Variants in ATP10D observed in about 807,000 individuals in gnomAD.
ATP10D encodes phospholipid-transporting ATPase VD.
ATP10D carries 89 observed loss-of-function variants against 144.8 expected under a neutral mutation model. The observed-to-expected ratio is 0.61, with a 90% CI of 0.52 to 0.73. The LOEUF (loss-of-function observed/expected upper bound fraction) is 0.73. Among genes scored for constraint, ATP10D ranks in the 30% least tolerant of loss-of-function variants. The pLI is 0.00. For missense variants in ATP10D, 1,603 were observed against 1,714.8 expected (o/e 0.93, Z 1.15); for synonymous variants, 571 against 615.1 (o/e 0.93, Z 1.06).
In ATP10D at chr4:47,512,493, T is replaced by C. The variant is rs1370319230; in HGVS notation, c.-37-11T>C. Reference sequence around the variant, plus strand: ...AAGCTCATGGAAGTGTGGTTTTTGTTTGTTTGCCAGGTCAGCTACACAACC... The same window carrying C: ...AAGCTCATGGAAGTGTGGTTTTTGTCTGTTTGCCAGGTCAGCTACACAACC... On this transcript the variant is annotated splice_polypyrimidine_tract_variant and intron_variant, in intron 1 of 22. Coordinates refer to ENST00000273859, the MANE Select transcript of ATP10D (RefSeq NM_020453.4). 6.6e-7 allele frequency: 1 copy of C among 1,526,322 alleles called. No homozygotes were observed. Among genetic ancestry groups the C allele is most frequent in the Non-Finnish European group, 8.9e-7 (1 of 1,127,824 alleles). The allele number at this position is 1,526,322 out of a possible 1,614,324, so 94.5% of individuals were successfully genotyped here.
At chr4:47,584,000 G>A (rs1226110612) in intron 21 of ATP10D, among the ~76,000 whole-genome samples, 7 of 152,156 alleles carry the variant, frequency 4.6e-5, no homozygotes, top group African/African-American at 1.7e-4. Flanking sequence ...TTAAGTCACA[G>A]GCTTTGGCTA....
In ATP10D at chr4:47,512,798, T is replaced by G; in HGVS notation, c.258T>G (p.Phe86Leu). The G allele has an allele frequency of 6.2e-7, 1 of 1,601,878 alleles. No homozygotes were observed. Among genetic ancestry groups the G allele is most frequent in the Non-Finnish European group, 8.5e-7 (1 of 1,170,312 alleles). Residue 86 changes from phenylalanine (F) to leucine (L), a missense_variant, in exon 2 of 23, where the codon TTT becomes TTG. Phe to Leu is a conservative substitution (Grantham distance 22). Coordinates refer to ENST00000273859, the MANE Select transcript of ATP10D (RefSeq NM_020453.4). ...CAACAAAGTACACACTTCTGAATTTTGTGCCAAGAAATTTATTTGAACAAT... is the reference window on the plus strand; with the variant it reads ...CAACAAAGTACACACTTCTGAATTTGGTGCCAAGAAATTTATTTGAACAAT... Reference protein sequence around the residue: ...IRTTKYTLLNFVPRNLFEQFH... With the variant: ...IRTTKYTLLNLVPRNLFEQFH...
intron 14 of ATP10D, 74 bp from the exon 15 acceptor site, chr4:47,563,507 T>G (rs1033169969): frequency 7.5e-7 from 1 of 1,333,218 alleles, no homozygotes; most frequent in Non-Finnish European, 1.0e-6. Flanking sequence ...CAGATATGAT[T>G]CAACTGTAGA....
chr4:47,547,105 G>T, intron 10 of ATP10D: 1 of 482,140 alleles, frequency 2.1e-6, no homozygotes, highest in Admixed American at 3.4e-5. Flanking sequence ...AAAAAAAGGA[G>T]AATATTTCTG....
intron 19 of ATP10D, 51 bp from the exon 20 acceptor site, chr4:47,580,347 C>A: frequency 7.1e-7 from 1 of 1,401,494 alleles, no homozygotes; most frequent in South Asian, 1.2e-5. Context: ...TGTTTCTTTT[C>A]TTGGACCCTT....
intron 3 of ATP10D, among the ~76,000 whole-genome samples, chr4:47,519,053 A>G (rs1716817720): frequency 6.6e-6 from 1 of 152,240 alleles, no homozygotes; most frequent in Non-Finnish European, 1.5e-5. Flanking sequence ...ATCTTAGCTG[A>G]TTTTGTGCCC....
intron 1 of ATP10D, among the ~76,000 whole-genome samples, chr4:47,505,675 G>T (rs997834415): frequency 2.0e-5 from 3 of 152,000 alleles, no homozygotes; most frequent in Non-Finnish European, 2.9e-5. Flanking sequence ...GGCAGAGATT[G>T]CAGTGAGCTG....
intron 15 of ATP10D, among the ~76,000 whole-genome samples, chr4:47,568,075 T>C (rs1165376678): frequency 6.6e-6 from 1 of 152,258 alleles, no homozygotes; most frequent in Non-Finnish European, 1.5e-5. Context: ...GAGTACCTGA[T>C]GTGATCCTCT....
intron 19 of ATP10D, among the ~76,000 whole-genome samples, chr4:47,577,688 G>A (rs1446739761): frequency 6.6e-6 from 1 of 152,164 alleles, no homozygotes; most frequent in African/African-American, 2.4e-5. Context: ...TTTCTGGAAT[G>A]GAGAGTCATT....
At position 47,525,652 on chromosome 4, in the gene ATP10D, A is replaced by G. The variant is rs1307924280; in HGVS notation, c.776+10A>G. ...GATTCCGAGGCTTCCTGTGAGTAAT[A>G]CATGATGAACATTTGTGGGTGTAAG... On this transcript the variant is annotated intron_variant, in intron 5 of 22. Coordinates refer to ENST00000273859, the MANE Select transcript of ATP10D (RefSeq NM_020453.4). 1.9e-6 allele frequency: 3 copies of G among 1,587,054 alleles called. No individual in the cohort carries two copies. Among genetic ancestry groups the G allele is most frequent in the Non-Finnish European group, 2.6e-6 (3 of 1,155,920 alleles).
Position 47,580,484 on chromosome 4 carries a change from T to A in ATP10D, c.3648+6T>A. 2.5e-6 allele frequency: 4 copies of A among 1,605,300 alleles called. No homozygotes were observed. The highest frequency in any genetic ancestry group is 1.1e-5 in the South Asian group (1 of 90,880). On this transcript the variant is annotated splice_donor_region_variant and intron_variant, in intron 20 of 22. Transcript: ENST00000273859. ...GCTTCTTTGTGCCTTATTTTGTGAG[T>A]CTTTGTTCACTCAGTATATTTGTTA...
chr4:47,488,387 T>A (rs967455678), intron 1 of ATP10D, among the ~76,000 whole-genome samples: 3 of 151,994 alleles, frequency 2.0e-5, no homozygotes, highest in Non-Finnish European at 4.4e-5. Context: ...TGAAAAAGAT[T>A]AATGCAGTTC....
At chr4:47,554,470 A>C (rs1194775239) in intron 10 of ATP10D, among the ~76,000 whole-genome samples, 3 of 152,062 alleles carry the variant, frequency 2.0e-5, no homozygotes, top group Admixed American at 6.5e-5. Context: ...TGAAAACTAA[A>C]CTCCTGTTTA....
chr4:47,524,616 A>G (rs1717138280), intron 4 of ATP10D, among the ~76,000 whole-genome samples: 1 of 152,224 alleles, frequency 6.6e-6, no homozygotes, highest in African/African-American at 2.4e-5. Flanking sequence ...TTAAGGGTGA[A>G]TCTGGTGACC....
At chr4:47,546,422 A>G (rs1011582480) in intron 9 of ATP10D, among the ~76,000 whole-genome samples, 1 of 152,198 alleles carries the variant, frequency 6.6e-6, no homozygotes, top group East Asian at 1.9e-4. Context: ...GACGATGGAA[A>G]AAGAAGGGAA....
Position 47,536,506 on chromosome 4 carries a change from T to C in ATP10D, c.1085T>C (p.Ile362Thr). 1.2e-6 allele frequency: 2 copies of C among 1,613,742 alleles called. No homozygotes were observed. The highest frequency in any genetic ancestry group is 1.1e-5 in the South Asian group (1 of 91,062). ...FFNVPEPDGH[I>T]ISPLLAGFYM... ...AATGTTCCCGAGCCTGATGGACATA[T>C]CATATCACCACTGTTGGCAGGATTT... The change falls in exon 8 of 23, where the codon ATC becomes ACC. Residue 362 changes from isoleucine to threonine, a missense_variant. Coordinates refer to ENST00000273859, the MANE Select transcript of ATP10D (RefSeq NM_020453.4).
chr4:47,535,433 C>G (rs1197679681), intron 5 of ATP10D, 76 bp from the exon 6 acceptor site: 2 of 1,146,364 alleles, frequency 1.7e-6, no homozygotes, highest in East Asian at 5.4e-5. Context: ...CAAAAACATT[C>G]AAGGGCCATG....
chr4:47,586,695 C>T (rs1241466436), intron 21 of ATP10D, among the ~76,000 whole-genome samples: 1 of 152,124 alleles, frequency 6.6e-6, no homozygotes, highest in Admixed American at 6.6e-5. Context: ...AACAAGGAAA[C>T]AGACCAATGA....
At chr4:47,509,843 A>G (rs1716217359) in intron 1 of ATP10D, among the ~76,000 whole-genome samples, 1 of 152,100 alleles carries the variant, frequency 6.6e-6, no homozygotes, top group Non-Finnish European at 1.5e-5. Context: ...AATTCAATGC[A>G]TCCTAACTAG....
Sources: allele counts gnomAD v4.1 joint callset (sites outside exome capture counted in the v4.1 genomes callset), GRCh38; gene constraint gnomAD v4.1.1; transcripts MANE v1.5; gene names NCBI Gene and HGNC (gene_info 2026-07-23, HGNC 2026-07-21).